Variants in ZFHX4 observed in about 807,000 individuals in gnomAD.
The protein encoded by ZFHX4 is zinc finger homeobox protein 4.
In ZFHX4, 56 loss-of-function variants were observed where a neutral mutation model predicts 267.6. The ratio of observed to expected loss-of-function variants is 0.21; its 90% CI spans 0.17 to 0.26. The LOEUF (loss-of-function observed/expected upper bound fraction) is 0.26, where lower values mean the gene tolerates loss of function less well. Ranked by LOEUF, ZFHX4 falls within the 10% of genes least tolerant of loss-of-function variation. The pLI is 1.00. For missense variants in ZFHX4, 4,332 were observed against 4,420.0 expected (o/e 0.98, Z 0.56); for synonymous variants, 1,778 against 1,665.6 (o/e 1.07, Z -1.64).
intron 1 of ZFHX4, among the ~76,000 whole-genome samples, chr8:76,685,018 C>T (rs1476807255): frequency 6.6e-6 from 1 of 152,156 alleles, no homozygotes; most frequent in Non-Finnish European, 1.5e-5. Flanking sequence ...TTTAATGTTG[C>T]ATTTCAGAAT....
In ZFHX4 at chr8:76,706,604, C is replaced by T; in HGVS notation, c.2516C>T (p.Pro839Leu). The T allele has an allele frequency of 6.2e-7, 1 of 1,608,882 alleles. No individual in the cohort carries two copies. Among genetic ancestry groups the T allele is most frequent in the Non-Finnish European group, 8.5e-7 (1 of 1,177,814 alleles). Residue 839 changes from proline to leucine, a missense_variant, in exon 2 of 11, where the codon CCT becomes CTT. By Grantham distance (98) the Pro-to-Leu change is moderately conservative. This residue lies in a region of ZFHX4 where 1,195 missense variants were observed against 1,173.6 expected (regional missense o/e 1.02). Coordinates refer to ENST00000651372, the MANE Select transcript of ZFHX4 (RefSeq NM_024721.5). ...CTGACCGGAATGAAGCTGGAAAACC[C>T]TGCCGACCCTCAGCTGATGATCAAT... ...IGLTGMKLEN[P>L]ADPQLMINPF...
At chr8:76,829,664 CT>C (rs1412444104) in intron 4 of ZFHX4, among the ~76,000 whole-genome samples, 1 of 152,042 alleles carries the variant, frequency 6.6e-6, no homozygotes, top group Admixed American at 6.5e-5. Context: ...CAAAAATTAG[CT>C]GGGCATGGTA....
rs1807532321 is a variant in ZFHX4, at chr8:76,681,625, G to GT, written c.-47+11dup. The stretch of plus-strand genomic sequence containing the variant: ...GAACTGCAGGGGAAATGGAAAGTAA[G>GT]TTTTTTCTTTAACTTTTATTGAGTA... On this transcript the variant is annotated splice_donor_region_variant and intron_variant, in intron 1 of 10. Coordinates refer to ENST00000651372, the MANE Select transcript of ZFHX4 (RefSeq NM_024721.5). 2.5e-6 allele frequency: 1 copy of GT among 395,700 alleles called. No homozygotes were observed. The highest frequency in any genetic ancestry group is 1.4e-4 in the South Asian group (1 of 7,160). The allele number at this position is 395,700 out of a possible 1,614,324, so 24.5% of individuals were successfully genotyped here. A position where few individuals can be genotyped will look rare whatever the true frequency, so the allele number is the denominator to read the frequency against.
At chr8:76,700,993 T>A (rs1333561531) in intron 1 of ZFHX4, among the ~76,000 whole-genome samples, 3 of 152,168 alleles carry the variant, frequency 2.0e-5, no homozygotes, top group Admixed American at 1.3e-4. Flanking sequence ...TCTTTTTTAC[T>A]GGGACTTATA....
intron 4 of ZFHX4, among the ~76,000 whole-genome samples, chr8:76,825,127 A>T (rs188353951): frequency 6.6e-6 from 1 of 152,338 alleles, no homozygotes; most frequent in Admixed American, 6.5e-5. Context: ...CAATCTAAAA[A>T]GCCATAGTAC....
intron 6 of ZFHX4, among the ~76,000 whole-genome samples, chr8:76,847,443 C>G (rs62516855): frequency 9.9e-5 from 15 of 151,778 alleles, no homozygotes; most frequent in African/African-American, 3.6e-4. Flanking sequence ...TAAATTTCTC[C>G]GACACATATA....
At chr8:76,721,200 T>C (rs1423115830) in intron 3 of ZFHX4, among the ~76,000 whole-genome samples, 1 of 152,176 alleles carries the variant, frequency 6.6e-6, no homozygotes, top group African/African-American at 2.4e-5. Flanking sequence ...AAATCACTCA[T>C]ACCAGTATGT....
chr8:76,706,083 G>A lies in ZFHX4; in HGVS notation c.1995G>A (p.Glu665=). The change falls in exon 2 of 11, where the codon GAG becomes GAA. Residue 665 remains glutamate (E), a synonymous_variant. Transcript: ENST00000651372. ...YQQTLEAHMK[E]KHPEPGGSCV... is the part of the protein sequence containing the mutation. ...AGACCCTGGAGGCCCATATGAAGGA[G>A]AAACACCCTGAGCCGGGTGGCTCTT... The A allele has an allele frequency of 6.2e-7, 1 of 1,613,720 alleles. No individual in the cohort carries two copies. Among genetic ancestry groups the A allele is most frequent in the Non-Finnish European group, 8.5e-7 (1 of 1,179,826 alleles).
Position 76,849,637 on chromosome 8 carries a change from C to G in ZFHX4, c.3771C>G (p.Asn1257Lys). The G allele has an allele frequency of 6.2e-7, 1 of 1,613,962 alleles. No homozygotes were observed. The highest frequency in any genetic ancestry group is 1.1e-5 in the South Asian group (1 of 91,082). The change falls in exon 8 of 11, where the codon AAC (asparagine) becomes AAG (lysine). Residue 1257 changes from asparagine to lysine, a missense_variant. Transcript: ENST00000651372. Reference sequence around the variant, plus strand: ...CTCTCTGTCAGGACGTCCTCAGCAACAAAATGCATCTCCAACTGCATCTGA... The same window carrying G: ...CTCTCTGTCAGGACGTCCTCAGCAAGAAAATGCATCTCCAACTGCATCTGA... The part of the protein sequence containing the change: ...CCPLCQDVLS[N>K]KMHLQLHLTH...
In ZFHX4 at chr8:76,855,548, A is replaced by G. The variant is rs545519480; in HGVS notation, c.8627A>G (p.Asn2876Ser). The change falls in exon 10 of 11, where the codon AAT (asparagine) becomes AGT (serine). Residue 2876 changes from asparagine (N) to serine (S), a missense_variant. Transcript: ENST00000651372. Reference sequence around the variant, plus strand: ...CTCACAAGCCCATCCATCCATTTCAATGACAAAGATGGCGACCACGACCAA... The same window carrying G: ...CTCACAAGCCCATCCATCCATTTCAGTGACAAAGATGGCGACCACGACCAA... ...FSLTSPSIHF[N>S]DKDGDHDQSF... 51 of 1,613,908 alleles carry G rather than the reference A, an allele frequency of 3.2e-5. No individual in the cohort carries two copies. Among genetic ancestry groups the G allele is most frequent in the East Asian group, 1.3e-4 (6 of 44,850 alleles).
intron 3 of ZFHX4, among the ~76,000 whole-genome samples, chr8:76,731,890 ATTT>A (rs1563489780): frequency 1.4e-5 from 2 of 145,970 alleles, no homozygotes; most frequent in African/African-American, 5.2e-5. Context: ...TATTATTATT[ATTT>A]TTGAGACAGA....
At chr8:76,682,500 G>A (rs1199926842) in intron 1 of ZFHX4, 1 of 152,370 alleles carries the variant, frequency 6.6e-6, no homozygotes, top group Non-Finnish European at 1.5e-5. Context: ...GCGCCGCGGA[G>A]GAAAGGCAGG....
intron 4 of ZFHX4, among the ~76,000 whole-genome samples, chr8:76,826,295 G>A (rs918216300): frequency 6.6e-6 from 1 of 152,112 alleles, no homozygotes; most frequent in Non-Finnish European, 1.5e-5. Context: ...TTGCCCTTGT[G>A]ATCCAATCAC....
At chr8:76,769,470 C>A (rs1031162942) in intron 3 of ZFHX4, among the ~76,000 whole-genome samples, 2 of 151,998 alleles carry the variant, frequency 1.3e-5, no homozygotes, top group African/African-American at 4.8e-5. Context: ...CTACTTCAGC[C>A]TCACCAGTAG....
chr8:76,857,536 G>T (rs912075286), intron 10 of ZFHX4, among the ~76,000 whole-genome samples: 24 of 151,974 alleles, frequency 1.6e-4, no homozygotes, highest in African/African-American at 5.8e-4. Flanking sequence ...AGTTTGGGAG[G>T]TGTGAAAACA....
In ZFHX4 at chr8:76,854,910, C is replaced by G. The variant is rs372081699; in HGVS notation, c.7989C>G (p.Gly2663=). ...ATACACGAGCGCGGGAGAGGAAAGG[C>G]CAGTTCCGGGCGGTGGGTCCAGCAC... is the stretch of plus-strand genomic sequence containing the variant. ...FQNTRARERK[G]QFRAVGPAQS... The change falls in exon 10 of 11, where the codon GGC becomes GGG. Residue 2663 remains glycine (G), a synonymous_variant. Transcript: ENST00000651372. 2 of 1,613,592 alleles carry G rather than the reference C, an allele frequency of 1.2e-6. No individual in the cohort carries two copies.
intron 3 of ZFHX4, among the ~76,000 whole-genome samples, chr8:76,719,138 G>A (rs1808653055): frequency 1.4e-5 from 2 of 144,258 alleles, no homozygotes; most frequent in East Asian, 4.2e-4. Context: ...AAACTTCCTT[G>A]GGATGAATTG....
intron 3 of ZFHX4, among the ~76,000 whole-genome samples, chr8:76,754,828 C>T (rs1421780259): frequency 2.0e-5 from 3 of 152,136 alleles, no homozygotes; most frequent in Non-Finnish European, 4.4e-5. Context: ...TATTCATTAA[C>T]CAACCTCTCC....
At chr8:76,800,346 G>A (rs1431107685) in intron 4 of ZFHX4, among the ~76,000 whole-genome samples, 1 of 152,156 alleles carries the variant, frequency 6.6e-6, no homozygotes, top group Non-Finnish European at 1.5e-5. Context: ...TGGGTCAAGT[G>A]CTGCATTTGC....
Sources: allele counts gnomAD v4.1 joint callset (sites outside exome capture counted in the v4.1 genomes callset), GRCh38; gene constraint gnomAD v4.1.1; regional missense constraint gnomAD v4.1.1; transcripts MANE v1.5; gene names NCBI Gene and HGNC (gene_info 2026-07-23, HGNC 2026-07-21).